The following AKR1D1 variants were observed in gnomAD, a reference collection of about 807,000 sequenced individuals.
AKR1D1 encodes delta(4)-3-ketosteroid 5-beta-reductase.
A neutral mutation model predicts 42.6 loss-of-function variants in AKR1D1; 32 were observed. The ratio of observed to expected loss-of-function variants is 0.75; its 90% confidence interval spans 0.57 to 1.01. The LOEUF is 1.01. Ranked by LOEUF, AKR1D1 falls within the 50% of genes least tolerant of loss-of-function variation. AKR1D1 has a pLI of 0.00. For missense variants in AKR1D1, 364 were observed against 402.2 expected (o/e 0.91, Z 0.81); for synonymous variants, 123 against 135.5 (o/e 0.91, Z 0.64).
intron 5 of AKR1D1, 51 bp downstream of exon 5, chr7:138,105,480 C>T (rs1794405336): frequency 1.2e-6 from 2 of 1,611,658 alleles, no homozygotes; most frequent in Non-Finnish European, 1.7e-6. Flanking sequence ...GCAGGATTTA[C>T]ATGACACAAA....
At chr7:138,106,564 C>T (rs1242245596) in intron 5 of AKR1D1, 44 bp from the exon 6 acceptor site, 1 of 1,459,762 alleles carries the variant, frequency 6.9e-7, no homozygotes, top group Admixed American at 1.7e-5. Context: ...CATTCAACAA[C>T]GTGGCCTTGA....
chr7:138,101,880 G>C (rs1794326003), intron 4 of AKR1D1, among the ~76,000 whole-genome samples: 1 of 152,092 alleles, frequency 6.6e-6, no homozygotes, highest in African/African-American at 2.4e-5. Context: ...TGTAATCCCA[G>C]TCAAAATCCC....
At position 138,108,276 on chromosome 7, in the gene AKR1D1, A is replaced by G. The variant is rs370957008; in HGVS notation, c.855+696A>G. Among the ~76,000 whole-genome samples, 3 of 152,184 alleles carry G rather than the reference A, an allele frequency of 2.0e-5. No homozygotes were observed. In the East Asian group the frequency reaches 5.8e-4, roughly 29 times the overall value. ...TTTATTCCGCTACTACTAAAGACTA[A>G]ACTGCTAGGTAAACACAACCATAGA... On this transcript the variant is annotated intron_variant, in intron 7 of 8. Coordinates refer to ENST00000242375, the MANE Select transcript of AKR1D1 (RefSeq NM_005989.4).
chr7:138,080,158 C>T (rs903768501), intron 1 of AKR1D1, among the ~76,000 whole-genome samples: 2 of 152,326 alleles, frequency 1.3e-5, no homozygotes, highest in South Asian at 2.1e-4. Context: ...GTGCTTCCTT[C>T]TTAATGCTTT....
chr7:138,113,836 C>T (rs1371216690), intron 8 of AKR1D1, 64 bp downstream of exon 8: 4 of 1,476,570 alleles, frequency 2.7e-6, no homozygotes, highest in African/African-American at 2.8e-5. Flanking sequence ...TGTCAAGCAA[C>T]AAGGCTCATA....
At position 138,107,569 on chromosome 7, in the gene AKR1D1, G is replaced by C; in HGVS notation, c.844G>C (p.Glu282Gln). Residue 282 changes from glutamate to glutamine, a missense_variant, in exon 7 of 9, where the codon GAA (glutamate) becomes CAA (glutamine). Transcript: ENST00000242375. ...PKSFNLERIK[E>Q]NFQIFDFSLT... ...AAGCTTTAATCTTGAAAGGATCAAA[G>C]AAAATTTTCAGGTAAGAGAATTGCT... 1.3e-5 allele frequency: 21 copies of C among 1,613,730 alleles called. No homozygotes were observed. Among genetic ancestry groups the C allele is most frequent in the Non-Finnish European group, 1.8e-5 (21 of 1,179,952 alleles).
intron 3 of AKR1D1, among the ~76,000 whole-genome samples, chr7:138,094,883 G>A (rs547671688): frequency 9.8e-4 from 149 of 152,210 alleles, no homozygotes; most frequent in African/African-American, 3.2e-3. Flanking sequence ...AATATTTTTA[G>A]CACTTTATTA....
intron 2 of AKR1D1, 91 bp downstream of exon 2, chr7:138,088,859 A>T: frequency 2.1e-5 from 16 of 751,242 alleles, no homozygotes; most frequent in Non-Finnish European, 3.0e-5. Context: ...TGTGTGTGTA[A>T]TTGCACTCAT....
chr7:138,081,235 T>G (rs780858058), intron 1 of AKR1D1, among the ~76,000 whole-genome samples: 4 of 152,188 alleles, frequency 2.6e-5, no homozygotes, highest in Admixed American at 2.6e-4. Context: ...TTTCAAGAGT[T>G]ATGCTGGCAG....
intron 1 of AKR1D1, among the ~76,000 whole-genome samples, chr7:138,079,307 C>G (rs1477278512): frequency 2.0e-5 from 3 of 152,124 alleles, no homozygotes; most frequent in Non-Finnish European, 2.9e-5. Flanking sequence ...CTAAGGGGAC[C>G]AGGGGCCAGG....
chr7:138,113,827 G>T, intron 8 of AKR1D1, 55 bp downstream of exon 8: 1 of 1,514,892 alleles, frequency 6.6e-7, no homozygotes, highest in Non-Finnish European at 9.2e-7. Flanking sequence ...ATGGTCATGT[G>T]TCAAGCAACA....
At chr7:138,084,270 T>TC (rs71851816) in intron 1 of AKR1D1, among the ~76,000 whole-genome samples, 1 of 150,886 alleles carries the variant, frequency 6.6e-6, no homozygotes, top group African/African-American at 2.4e-5. Flanking sequence ...TTTTTTTTTT[T>TC]TTCTTTTTTT....
At chr7:138,088,007 T>C (rs937804111) in intron 1 of AKR1D1, among the ~76,000 whole-genome samples, 16 of 151,730 alleles carry the variant, frequency 1.1e-4, no homozygotes, top group Admixed American at 2.0e-4. Flanking sequence ...CCCCCTACCT[T>C]ACCCTCCCAA....
At chr7:138,099,236 A>G (rs1794244122) in intron 4 of AKR1D1, among the ~76,000 whole-genome samples, 2 of 152,174 alleles carry the variant, frequency 1.3e-5, no homozygotes, top group Admixed American at 1.3e-4. Flanking sequence ...GGACAGTTGG[A>G]CATTTTGAAC....
At position 138,091,796 on chromosome 7, in the gene AKR1D1, T is replaced by C; in HGVS notation, c.290T>C (p.Met97Thr). The C allele has an allele frequency of 1.2e-6, 2 of 1,613,954 alleles. No individual in the cohort carries two copies. Residue 97 changes from methionine to threonine, a missense_variant, in exon 3 of 9, where the codon ATG (methionine) becomes ACG (threonine). Physicochemically the swap from Met to Thr is moderately conservative, Grantham distance 81. Transcript: ENST00000242375. Reference protein sequence around the residue: ...KLWATNHVPEMVRPTLERTLR... With the variant: ...KLWATNHVPETVRPTLERTLR... ...TGGGCTACAAATCATGTCCCAGAGA[T>C]GGTCCGCCCAACCCTGGAGAGGACA... is the stretch of plus-strand genomic sequence containing the variant.
At chr7:138,115,241 G>A (rs370900194) in intron 8 of AKR1D1, among the ~76,000 whole-genome samples, 5 of 152,032 alleles carry the variant, frequency 3.3e-5, no homozygotes, top group African/African-American at 7.2e-5. Context: ...CTAGGAGTTC[G>A]ACACCAGCCT....
At chr7:138,078,722 G>C (rs1199107203) in intron 1 of AKR1D1, among the ~76,000 whole-genome samples, 1 of 152,178 alleles carries the variant, frequency 6.6e-6, no homozygotes, top group East Asian at 1.9e-4. Context: ...CTAATTATGG[G>C]GTACAAGCTA....
rs974162855 is a variant in AKR1D1, at chr7:138,116,865, A to T, written c.*203A>T. On this transcript the variant is annotated 3_prime_UTR_variant, in exon 9 of 9. Coordinates refer to ENST00000242375, the MANE Select transcript of AKR1D1 (RefSeq NM_005989.4). The stretch of plus-strand genomic sequence containing the variant: ...AAAAATATTAAAATCTGTTGAAATA[A>T]CTCTTAGGAAATTATCAACTAATTT... The T allele has an allele frequency of 1.9e-6, 1 of 537,874 alleles. No homozygotes were observed. Among genetic ancestry groups the T allele is most frequent in the African/African-American group, 1.9e-5 (1 of 52,886 alleles). 33.3% of individuals were successfully genotyped at this position (537,874 alleles called of 1,614,324 possible). A position where few individuals can be genotyped will look rare whatever the true frequency, so the allele number is the denominator to read the frequency against.
At position 138,097,847 on chromosome 7, in the gene AKR1D1, C is replaced by CT. The variant is rs35402657; in HGVS notation, c.379-4dup. On this transcript the variant is annotated intron_variant, in intron 3 of 8. Coordinates refer to ENST00000242375, the MANE Select transcript of AKR1D1 (RefSeq NM_005989.4). ...ATAAATAAAATGAATTACATTTATT[C>CT]TTTTTTTTTTTTTTTCAGCCAGGAG... 906 of 1,260,844 alleles carry CT rather than the reference C, an allele frequency of 7.2e-4. No individual in the cohort carries two copies. The highest frequency in any genetic ancestry group is 1.2e-3 in the African/African-American group (79 of 66,004). 78.1% of individuals were successfully genotyped at this position (1,260,844 alleles called of 1,614,324 possible).
Sources: allele counts gnomAD v4.1 joint callset (sites outside exome capture counted in the v4.1 genomes callset), GRCh38; gene constraint gnomAD v4.1.1; transcripts MANE v1.5; gene names NCBI Gene and HGNC (gene_info 2026-07-23, HGNC 2026-07-21).